Variants in NDUFS7 observed in about 807,000 individuals in gnomAD.
NDUFS7 encodes NADH:ubiquinone oxidoreductase core subunit S7.
Under a neutral mutation model 31.1 loss-of-function variants are expected in NDUFS7, and 11 were observed. The observed-to-expected ratio is 0.35, with a 90% CI of 0.22 to 0.59. The LOEUF (loss-of-function observed/expected upper bound fraction) is 0.59, where lower values mean the gene tolerates loss of function less well. NDUFS7 is among the 20% of genes least tolerant of loss of function. The probability of loss-of-function intolerance (pLI) is 0.79; values close to 1 mark genes in which losing one functional copy is unlikely to be tolerated. For synonymous variants in NDUFS7, 136 were observed against 127.9 expected, an observed-to-expected ratio of 1.06 and a Z score of -0.43; for missense variants, 263 against 324.2, an observed-to-expected ratio of 0.81 and a Z score of 1.45.
At chr19:1,394,938 G>T (rs1412656077) in intron 7 of NDUFS7, 2 of 1,118,556 alleles carry the variant, frequency 1.8e-6, no homozygotes, top group Non-Finnish European at 2.2e-6. Context: ...CAGAAAGAGG[G>T]TCATCGGGTC....
Position 1,388,578 on chromosome 19 carries a change from C to T in NDUFS7, c.107C>T (p.Thr36Ile). The change falls in exon 3 of 8, where the codon ACC becomes ATC. Residue 36 changes from threonine to isoleucine, a missense_variant. By Grantham distance (89) the Thr-to-Ile change is moderately conservative. Transcript: ENST00000233627. ...CGAGGTGTCCATCAGAGCGTGGCCA[C>T]CGATGGCCCAAGCAGGTGAAGCTGG... ...QARGVHQSVA[T>I]DGPSSTQPAL... The T allele has an allele frequency of 1.2e-6, 2 of 1,612,266 alleles. No homozygotes were observed. The highest frequency in any genetic ancestry group is 1.3e-5 in the African/African-American group (1 of 75,008).
rs1475384408 is a variant in NDUFS7 at position 1,383,917 on chromosome 19, C to T, written c.-10C>T. On this transcript the variant is annotated 5_prime_UTR_variant, in exon 1 of 8. Coordinates refer to ENST00000233627, the MANE Select transcript of NDUFS7 (RefSeq NM_024407.5). ...CGGACCTCAGAGGTTGTCTGAAGGC[C>T]GAGGCCAAGATGGCGGTGCTGTCAG... 6.3e-7 allele frequency: 1 copy of T among 1,581,078 alleles called. No individual in the cohort carries two copies. Among genetic ancestry groups the T allele is most frequent in the East Asian group, 2.3e-5 (1 of 42,898 alleles).
At chr19:1,389,005 C>T (rs143192592) in intron 4 of NDUFS7, 67 bp downstream of exon 4, 1 of 1,292,612 alleles carries the variant, frequency 7.7e-7, no homozygotes, top group Non-Finnish European at 1.1e-6. Context: ...CAGGCACACA[C>T]ATACACACAC....
chr19:1,387,647 C>G (rs1259372224), intron 1 of NDUFS7, 164 bp from the exon 2 acceptor site: 1 of 678,914 alleles, frequency 1.5e-6, no homozygotes, highest in East Asian at 2.7e-5. Context: ...CTAAGACTCT[C>G]TCGTGTTCTG....
At position 1,393,124 on chromosome 19, in the gene NDUFS7, C is replaced by A; in HGVS notation, c.456-118C>A. The A allele has an allele frequency of 1.3e-6, 1 of 788,532 alleles. No individual in the cohort carries two copies. The highest frequency in any genetic ancestry group is 2.1e-6 in the Non-Finnish European group (1 of 471,846). The allele number at this position is 788,532 out of a possible 1,614,324, so 48.8% of individuals were successfully genotyped here. ...CTCATTGCTTCTCCGTGACAAGTTCCAGCCTCGTAGGTGCCTGGCCTGCAG... is the reference window on the plus strand; with the variant it reads ...CTCATTGCTTCTCCGTGACAAGTTCAAGCCTCGTAGGTGCCTGGCCTGCAG... On this transcript the variant is annotated intron_variant, in intron 6 of 7. Coordinates refer to ENST00000233627, the MANE Select transcript of NDUFS7 (RefSeq NM_024407.5). This position sits in a 1 kb window ranked among gnomAD's most constrained non-coding sequence, Gnocchi z 7.3.
chr19:1,393,043 G>A lies in NDUFS7; in HGVS notation c.456-199G>A, dbSNP rs1216360076. The A allele has an allele frequency of 3.8e-5, 23 of 611,656 alleles. No individual in the cohort carries two copies. The highest frequency in any genetic ancestry group is 8.5e-4 in the Middle Eastern group (2 of 2,346). The allele number at this position is 611,656 out of a possible 1,614,324, so 37.9% of individuals were successfully genotyped here. On this transcript the variant is annotated intron_variant, in intron 6 of 7. Transcript: ENST00000233627. This position sits in a 1 kb window ranked among gnomAD's most constrained non-coding sequence, Gnocchi z 7.3. Reference sequence around the variant, plus strand: ...CACTTTTCCCCGAGTTATCAGCCACGTGTGAGCTTGCGCCCCACTGGTCCC... The same window carrying A: ...CACTTTTCCCCGAGTTATCAGCCACATGTGAGCTTGCGCCCCACTGGTCCC...
intron 6 of NDUFS7, among the ~76,000 whole-genome samples, chr19:1,391,431 G>A (rs1205313513): frequency 1.3e-5 from 2 of 151,702 alleles, no homozygotes; most frequent in Non-Finnish European, 2.9e-5. Context: ...AGTGATGACA[G>A]GTGCTGTAGA....
intron 7 of NDUFS7, chr19:1,394,632 C>A (rs2082582792): frequency 1.6e-6 from 2 of 1,232,828 alleles, no homozygotes; most frequent in Non-Finnish European, 2.1e-6. Context: ...GCGGACCGCG[C>A]TCCTCCCTCC....
chr19:1,388,036 A>G, intron 2 of NDUFS7, 189 bp downstream of exon 2: 1 of 676,536 alleles, frequency 1.5e-6, no homozygotes. Context: ...CAGTCCACGC[A>G]GTGGCAAAGG....
At chr19:1,394,677 CTG>C (rs1271514653) in intron 7 of NDUFS7, 1 of 1,203,870 alleles carries the variant, frequency 8.3e-7, no homozygotes, top group South Asian at 1.4e-5. Context: ...TCCCTGCGGA[CTG>C]TGCTGCTCCC....
At position 1,395,443 on chromosome 19, in the gene NDUFS7, G is replaced by A; in HGVS notation, c.597G>A (p.Arg199=). Residue 199 remains arginine (R), a synonymous_variant, in exon 8 of 8, where the codon AGG becomes AGA. Coordinates refer to ENST00000233627, the MANE Select transcript of NDUFS7 (RefSeq NM_024407.5). ...ALLYGILQLQ[R]KIKRERRLQI... is the part of the protein sequence containing the mutation. ...TCTACGGCATCCTGCAGCTGCAGAGGAAGATCAAGCGGGAGCGGAGGCTGC... is the reference window on the plus strand; with the variant it reads ...TCTACGGCATCCTGCAGCTGCAGAGAAAGATCAAGCGGGAGCGGAGGCTGC... 1.1e-5 allele frequency: 17 copies of A among 1,601,044 alleles called. No homozygotes were observed. The highest frequency in any genetic ancestry group is 1.4e-5 in the Non-Finnish European group (17 of 1,175,666).
At chr19:1,390,503 A>C in intron 4 of NDUFS7, 1 of 367,904 alleles carries the variant, frequency 2.7e-6, no homozygotes, top group South Asian at 2.9e-5. Flanking sequence ...GTGGACCCAG[A>C]TCTAGTTAAC....
intron 2 of NDUFS7, chr19:1,388,062 GA>G: frequency 1.6e-6 from 1 of 643,344 alleles, no homozygotes; most frequent in Non-Finnish European, 2.8e-6. Flanking sequence ...CAGTCAGGAG[GA>G]AAACCCTGTG....
rs3065757 is a variant in NDUFS7, at chr19:1,395,488, GCGCCGC to G, written c.*15_*20del. ...GGCTGCAGATCTGGTACCGCAGGTA[GCGCCGC>G]CGCCGCCGCCGCCGGAGCCTGTCGC... On this transcript the variant is annotated 3_prime_UTR_variant, in exon 8 of 8. Coordinates refer to ENST00000233627, the MANE Select transcript of NDUFS7 (RefSeq NM_024407.5). 2.3e-4 allele frequency: 361 copies of G among 1,575,404 alleles called. 3 individuals carry two copies. The highest frequency in any genetic ancestry group is 7.9e-4 in the South Asian group (68 of 86,000).
intron 3 of NDUFS7, 74 bp from the exon 4 acceptor site, chr19:1,388,759 G>A (rs556060098): frequency 1.0e-5 from 15 of 1,493,916 alleles, no homozygotes; most frequent in East Asian, 4.9e-5. Flanking sequence ...GGCAGCGGCC[G>A]TGGGGGCTCG....
intron 7 of NDUFS7, chr19:1,394,449 CCTCCCTCCCTGCGGACTGTG>C (rs2082578871): frequency 3.1e-6 from 4 of 1,274,620 alleles, no homozygotes; most frequent in Non-Finnish European, 4.1e-6. Flanking sequence ...GGACCGCGCT[CCTCCCTCCCTGCGGACTGTG>C]CTCCCTGTCT....
chr19:1,388,649 C>A, intron 3 of NDUFS7, 56 bp downstream of exon 3: 1 of 1,566,588 alleles, frequency 6.4e-7, no homozygotes, highest in East Asian at 2.3e-5. Flanking sequence ...CCATCCCTTC[C>A]TTATTTTCTG....
intron 4 of NDUFS7, chr19:1,389,892 T>TTTTTC (rs958385724): frequency 9.6e-6 from 2 of 209,184 alleles, no homozygotes; most frequent in African/African-American, 2.4e-5. Context: ...AGTTCTTTTC[T>TTTTTC]TTTTCTTTTC....
chr19:1,394,537 G>A lies in NDUFS7; in HGVS notation c.545-854G>A, dbSNP rs373361036. 2,855 of 1,243,064 alleles carry A rather than the reference G, an allele frequency of 2.3e-3. 4 individuals are homozygous for A. The highest frequency in any genetic ancestry group is 8.0e-3 in the African/African-American group (412 of 51,256). 77.0% of individuals were successfully genotyped at this position (1,243,064 alleles called of 1,614,324 possible). ...GCTCCTCCCTCCCTCCCTGCGGACC[G>A]CGCTCCTCCCTCCCTGGGGACCGCG... is the stretch of plus-strand genomic sequence containing the variant. On this transcript the variant is annotated intron_variant, in intron 7 of 7. Transcript: ENST00000233627.
Sources: gnomAD v4.1 joint callset for allele counts (sites outside exome capture counted in the v4.1 genomes callset) on GRCh38, gnomAD v4.1.1 for gene constraint, Gnocchi (gnomAD v3.1) non-coding constraint, MANE v1.5 for transcripts, NCBI Gene and HGNC (gene_info 2026-07-23, HGNC 2026-07-21) for gene names.